SLC35D4: variants seen among roughly 807,000 people sequenced by gnomAD.
The protein encoded by SLC35D4 is UDP-N-acetylglucosamine transporter SLC35D4.
chr18:23,310,199 C>T, the SLC35D4 span: 34 of 985,190 alleles, frequency 3.5e-5, no homozygotes, highest in Non-Finnish European at 3.9e-5. Context: ...TTGTCCAATG[C>T]ACCATCTCTC....
chr18:23,384,860 A>C, the SLC35D4 span: 6 of 693,886 alleles, frequency 8.6e-6, no homozygotes, highest in Non-Finnish European at 1.5e-5. Flanking sequence ...ATCATTGATC[A>C]CTATCAGGTA....
chr18:23,254,343 G>A, the SLC35D4 span, among the ~76,000 whole-genome samples: 8 of 152,234 alleles, frequency 5.3e-5, no homozygotes, highest in East Asian at 1.9e-4. Flanking sequence ...GGGGAAAGGC[G>A]TGAGTTTGAC....
At chr18:23,338,808 T>C in the SLC35D4 span, among the ~76,000 whole-genome samples, 2 of 152,198 alleles carry the variant, frequency 1.3e-5, no homozygotes, top group African/African-American at 4.8e-5. Flanking sequence ...CATGGGACCA[T>C]ATCTAAGAAG....
chr18:23,371,935 G>GTTTTTGTTT, the SLC35D4 span, among the ~76,000 whole-genome samples: 1 of 35,480 alleles, frequency 2.8e-5, no homozygotes, highest in African/African-American at 1.2e-4. Flanking sequence ...TGTTTTTTTT[G>GTTTTTGTTT]TTTTTTTTTT....
the SLC35D4 span, among the ~76,000 whole-genome samples, chr18:23,415,759 A>T: frequency 6.6e-6 from 1 of 152,238 alleles, no homozygotes; most frequent in Non-Finnish European, 1.5e-5. Flanking sequence ...CAACAGCGCT[A>T]TCTGTCCCAA....
the SLC35D4 span, among the ~76,000 whole-genome samples, chr18:23,349,665 T>C: frequency 1.3e-5 from 2 of 152,200 alleles, no homozygotes; most frequent in Non-Finnish European, 2.9e-5. Flanking sequence ...AAGCCTATTT[T>C]TTTAGATTGA....
chr18:23,407,807 T>A, the SLC35D4 span, among the ~76,000 whole-genome samples: 5 of 152,240 alleles, frequency 3.3e-5, no homozygotes, highest in Admixed American at 2.0e-4. Context: ...GTAGGATATG[T>A]ATGTACTACT....
the SLC35D4 span, among the ~76,000 whole-genome samples, chr18:23,246,674 A>C: frequency 2.6e-5 from 4 of 151,504 alleles, no homozygotes; most frequent in African/African-American, 9.8e-5. Context: ...TATATGCTTG[A>C]GCCACCGCAC....
At chr18:23,271,238 T>C in the SLC35D4 span, among the ~76,000 whole-genome samples, 1 of 152,220 alleles carries the variant, frequency 6.6e-6, no homozygotes, top group Non-Finnish European at 1.5e-5. Flanking sequence ...TGTTCCTCCT[T>C]TGCCTTCCAC....
At chr18:23,244,404 G>T in the SLC35D4 span, among the ~76,000 whole-genome samples, 1 of 152,224 alleles carries the variant, frequency 6.6e-6, no homozygotes, top group Admixed American at 6.5e-5. Context: ...TCGGTATTTT[G>T]AATTCGATGG....
the SLC35D4 span, among the ~76,000 whole-genome samples, chr18:23,319,345 A>C: frequency 6.6e-6 from 1 of 151,626 alleles, no homozygotes; most frequent in Non-Finnish European, 1.5e-5. Context: ...ATCTTGGCTC[A>C]CTGCAACCTC....
At chr18:23,275,130 G>C in the SLC35D4 span, among the ~76,000 whole-genome samples, 2 of 151,934 alleles carry the variant, frequency 1.3e-5, no homozygotes, top group African/African-American at 2.4e-5. Context: ...GTGTGTGCTT[G>C]TGTGAGTGCT....
chr18:23,372,687 C>T, the SLC35D4 span, among the ~76,000 whole-genome samples: 31 of 152,216 alleles, frequency 2.0e-4, no homozygotes, highest in African/African-American at 7.0e-4. Flanking sequence ...TGAGGCCCCA[C>T]GTCTTCTTAG....
chr18:23,329,648 C>T, the SLC35D4 span, among the ~76,000 whole-genome samples: 13 of 152,194 alleles, frequency 8.5e-5, no homozygotes, highest in East Asian at 1.9e-4. Context: ...GACAGTGTGG[C>T]GATTCCTCAA....
the SLC35D4 span, among the ~76,000 whole-genome samples, chr18:23,424,683 A>C: frequency 6.6e-6 from 1 of 152,218 alleles, no homozygotes; most frequent in African/African-American, 2.4e-5. Context: ...ATTGACTAAA[A>C]TACCCGTAAT....
At chr18:23,242,744 CAA>C in the SLC35D4 span, among the ~76,000 whole-genome samples, 1 of 152,152 alleles carries the variant, frequency 6.6e-6, no homozygotes, top group Non-Finnish European at 1.5e-5. Flanking sequence ...ATGTAAACCT[CAA>C]GAGAAACCTC....
the SLC35D4 span, among the ~76,000 whole-genome samples, chr18:23,283,041 T>G: frequency 6.6e-6 from 1 of 151,778 alleles, no homozygotes; most frequent in Admixed American, 6.6e-5. Context: ...CCCTACCTTT[T>G]GGAATTCAGG....
chr18:23,303,211 C>T, the SLC35D4 span, among the ~76,000 whole-genome samples: 2 of 152,236 alleles, frequency 1.3e-5, no homozygotes, highest in Non-Finnish European at 2.9e-5. Context: ...GCACAGTCCA[C>T]TCTTCTGGTG....
chr18:23,300,488 T>C, the SLC35D4 span, among the ~76,000 whole-genome samples: 1 of 152,126 alleles, frequency 6.6e-6, no homozygotes, highest in African/African-American at 2.4e-5. Flanking sequence ...CCCATAACCT[T>C]AGAAAAATGC....
Sources: gnomAD v4.1 joint callset for allele counts (sites outside exome capture counted in the v4.1 genomes callset) on GRCh38, gnomAD v4.1.1 for gene constraint, MANE v1.5 for transcripts, NCBI Gene and HGNC (gene_info 2026-07-23, HGNC 2026-07-21) for gene names.